INSC: variants seen among roughly 807,000 people sequenced by gnomAD.
INSC encodes INSC spindle orientation adaptor protein.
A neutral mutation model predicts 58.6 loss-of-function variants in INSC; 67 were observed. That is an observed-to-expected ratio of 1.14 (90% confidence interval 0.94 to 1.40). INSC has a LOEUF of 1.40. Among genes scored for constraint, INSC ranks in the 40% most tolerant of loss-of-function variants. The pLI is 0.00. For missense variants in INSC, 714 were observed against 692.0 expected (o/e 1.03, Z -0.36); for synonymous variants, 262 against 276.1 (o/e 0.95, Z 0.51).
chr11:15,112,170 C>T (rs1847585514), upstream of INSC, among the ~76,000 whole-genome samples: 1 of 152,146 alleles, frequency 6.6e-6, no homozygotes, highest in African/African-American at 2.4e-5. Flanking sequence ...GCTGTTGGCC[C>T]AAGCCTGGAC....
At chr11:15,266,129 A>G in the INSC span, among the ~76,000 whole-genome samples, 2 of 151,960 alleles carry the variant, frequency 1.3e-5, no homozygotes, top group African/African-American at 4.8e-5. Flanking sequence ...AGATGTGGAG[A>G]AGAAGTAATC....
At chr11:15,166,328 G>C (rs1189815271) in intron 2 of INSC, among the ~76,000 whole-genome samples, 1 of 152,178 alleles carries the variant, frequency 6.6e-6, no homozygotes, top group Non-Finnish European at 1.5e-5. Context: ...GTGGAAGACA[G>C]GAACATTTGC....
chr11:15,144,561 T>G (rs1437517005), intron 1 of INSC, among the ~76,000 whole-genome samples: 2 of 152,176 alleles, frequency 1.3e-5, no homozygotes, highest in Non-Finnish European at 2.9e-5. Context: ...CGCCAAAGCT[T>G]GACTACTTTC....
At position 15,236,980 on chromosome 11, in the gene INSC, T is replaced by C. The variant is rs553761858; in HGVS notation, c.1237+1312T>C. 3.2e-3 allele frequency among the ~76,000 whole-genome samples: 488 copies of C among 152,360 alleles called. 5 individuals are homozygous for C. The highest frequency in any genetic ancestry group is 5.3e-3 in the Non-Finnish European group (361 of 68,038). On this transcript the variant is annotated intron_variant, in intron 10 of 12. Transcript: ENST00000379556. ...CTGTGCTCCGTTCTTTCGGTACTTATAGAGCCTTACGTTGAAGTGTTCAGT... is the reference window on the plus strand; with the variant it reads ...CTGTGCTCCGTTCTTTCGGTACTTACAGAGCCTTACGTTGAAGTGTTCAGT...
rs560216824 is a variant in INSC at position 15,233,943 on chromosome 11, G to T, written c.1171-1659G>T. On this transcript the variant is annotated intron_variant, in intron 9 of 12. Coordinates refer to ENST00000379556, the MANE Select transcript of INSC (RefSeq NM_001042536.3). ...TCCCTCATAAGAATGTGCACACGATGCCTCTTGGGGAACTTTCCAACCCAG... is the reference window on the plus strand; with the variant it reads ...TCCCTCATAAGAATGTGCACACGATTCCTCTTGGGGAACTTTCCAACCCAG... 3.8e-3 allele frequency among the ~76,000 whole-genome samples: 582 copies of T among 152,268 alleles called. 3 individuals carry two copies. Among genetic ancestry groups the T allele is most frequent in the African/African-American group, 0.013 (551 of 41,540 alleles).
intron 9 of INSC, among the ~76,000 whole-genome samples, chr11:15,229,595 G>C (rs1428578118): frequency 6.6e-6 from 1 of 151,980 alleles, no homozygotes; most frequent in Non-Finnish European, 1.5e-5. Context: ...ATGATGATTA[G>C]ATGGGATAAC....
intron 6 of INSC, among the ~76,000 whole-genome samples, chr11:15,197,370 G>A (rs983597378): frequency 6.6e-6 from 1 of 152,158 alleles, no homozygotes; most frequent in African/African-American, 2.4e-5. Flanking sequence ...TCTTCTCTCT[G>A]GGAGAAGATG....
intron 7 of INSC, among the ~76,000 whole-genome samples, chr11:15,208,526 G>T (rs897082452): frequency 6.6e-5 from 10 of 152,220 alleles, no homozygotes; most frequent in Non-Finnish European, 1.5e-4. Context: ...TGGGGTGGGG[G>T]CACTTAAGGA....
chr11:15,245,921 C>A lies in INSC; in HGVS notation c.1480C>A (p.Arg494Ser). Reference protein sequence around the residue: ...AVLVACLAALRRLAGVCPEGL... With the variant: ...AVLVACLAALSRLAGVCPEGL... ...TCTGTCTTCTCCCCAGGCTGCTCTG[C>A]GTAGATTGGCTGGGGTCTGCCCTGA... The change falls in exon 13 of 13, where the codon CGT becomes AGT. Residue 494 changes from arginine (R) to serine (S), a missense_variant. Coordinates refer to ENST00000379556, the MANE Select transcript of INSC (RefSeq NM_001042536.3). The A allele has an allele frequency of 6.2e-7, 1 of 1,614,104 alleles. No homozygotes were observed. The highest frequency in any genetic ancestry group is 8.5e-7 in the Non-Finnish European group (1 of 1,179,944).
intron 2 of INSC, among the ~76,000 whole-genome samples, chr11:15,164,071 T>C (rs1849110779): frequency 6.6e-6 from 1 of 152,212 alleles, no homozygotes; most frequent in Non-Finnish European, 1.5e-5. Context: ...ATGCTTCTTG[T>C]TCCTGTTTTT....
At chr11:15,141,655 T>C (rs1848374653) in intron 1 of INSC, among the ~76,000 whole-genome samples, 2 of 152,230 alleles carry the variant, frequency 1.3e-5, no homozygotes, top group South Asian at 2.1e-4. Context: ...TTAAAGTATC[T>C]GATTGCTGCA....
At chr11:15,252,919 T>C in the INSC span, among the ~76,000 whole-genome samples, 25 of 152,314 alleles carry the variant, frequency 1.6e-4, no homozygotes, top group South Asian at 1.2e-3. Flanking sequence ...AATGTGTCAA[T>C]ATCTCTCAGG....
intron 6 of INSC, among the ~76,000 whole-genome samples, chr11:15,194,343 G>GT (rs1850293013): frequency 1.3e-5 from 2 of 152,168 alleles, no homozygotes; most frequent in Non-Finnish European, 2.9e-5. Flanking sequence ...GTGGTTCCCA[G>GT]TGCCCACTCG....
the INSC span, among the ~76,000 whole-genome samples, chr11:15,259,346 T>A: frequency 5.3e-5 from 8 of 152,200 alleles, no homozygotes; most frequent in East Asian, 1.5e-3. Flanking sequence ...AGAGTGGAAC[T>A]ATCTGAAAAA....
the INSC span, among the ~76,000 whole-genome samples, chr11:15,263,339 T>C: frequency 2.4e-4 from 37 of 152,248 alleles, no homozygotes; most frequent in East Asian, 6.9e-3. Context: ...GTGAATGACA[T>C]CATCATCATT....
intron 9 of INSC, among the ~76,000 whole-genome samples, chr11:15,233,899 G>A (rs1852021849): frequency 6.6e-6 from 1 of 152,118 alleles, no homozygotes; most frequent in African/African-American, 2.4e-5. Context: ...AACTGACATG[G>A]ACTTGGCCGT....
intron 7 of INSC, among the ~76,000 whole-genome samples, chr11:15,216,629 G>T (rs181800960): frequency 6.6e-6 from 1 of 152,260 alleles, no homozygotes; most frequent in East Asian, 1.9e-4. Context: ...TCCTAGTTAG[G>T]AATCAAAACA....
chr11:15,116,805 TTTTC>T (rs1283336885), intron 1 of INSC, among the ~76,000 whole-genome samples: 43 of 19,976 alleles, frequency 2.2e-3, no homozygotes, highest in African/African-American at 4.8e-3. Context: ...CTTTTCTTTC[TTTTC>T]TTTCTTTCTT....
intron 6 of INSC, among the ~76,000 whole-genome samples, chr11:15,198,996 C>A (rs890487060): frequency 6.6e-6 from 1 of 152,170 alleles, no homozygotes; most frequent in Non-Finnish European, 1.5e-5. Flanking sequence ...CAACCCCCCA[C>A]CCTCCGAGCA....
Sources: allele counts gnomAD v4.1 joint callset (sites outside exome capture counted in the v4.1 genomes callset), GRCh38; gene constraint gnomAD v4.1.1; transcripts MANE v1.5; gene names NCBI Gene and HGNC (gene_info 2026-07-23, HGNC 2026-07-21).